HIVEP2: variants seen among roughly 807,000 people sequenced by gnomAD.
HIVEP2 encodes transcription factor HIVEP2.
Under a neutral mutation model 180.7 loss-of-function variants are expected in HIVEP2, and 14 were observed. That is an observed-to-expected ratio of 0.08 (90% CI 0.05 to 0.12). HIVEP2 has a LOEUF of 0.12. Ranked by LOEUF, HIVEP2 falls within the 10% of genes least tolerant of loss-of-function variation. The pLI is 1.00. For missense variants in HIVEP2, 2,579 were observed against 3,008.5 expected (o/e 0.86, Z 3.34); for synonymous variants, 1,184 against 1,136.4 (o/e 1.04, Z -0.84).
chr6:142,890,072 G>A (rs1007084046), intron 1 of HIVEP2, among the ~76,000 whole-genome samples: 1 of 152,146 alleles, frequency 6.6e-6, no homozygotes, highest in African/African-American at 2.4e-5. Context: ...GGATTCAAGT[G>A]CCAGTGTTAA....
At chr6:142,793,675 C>CTTTTTTTTT (rs60365543) in intron 2 of HIVEP2, among the ~76,000 whole-genome samples, 16 of 122,824 alleles carry the variant, frequency 1.3e-4, no homozygotes, top group East Asian at 9.4e-4. Flanking sequence ...TTCTTTCTTT[C>CTTTTTTTTT]TCTCTCTCTC....
intron 1 of HIVEP2, among the ~76,000 whole-genome samples, chr6:142,937,156 T>G (rs1368253455): frequency 6.6e-6 from 1 of 152,216 alleles, no homozygotes. Flanking sequence ...TAGCACTGGC[T>G]GAGCTCAGTG....
At chr6:142,764,446 G>C (rs558373587) in intron 7 of HIVEP2, among the ~76,000 whole-genome samples, 135 of 152,324 alleles carry the variant, frequency 8.9e-4, no homozygotes, top group Non-Finnish European at 1.6e-3. Flanking sequence ...CTGCTGCCTT[G>C]CTTCTCTAAT....
chr6:142,774,400 G>C lies in HIVEP2; in HGVS notation c.339C>G (p.Thr113=). 6.2e-7 allele frequency: 1 copy of C among 1,614,168 alleles called. No homozygotes were observed. Among genetic ancestry groups the C allele is most frequent in the Non-Finnish European group, 8.5e-7 (1 of 1,180,044 alleles). ...GACCTTCGAGGCTCTGATGTGGCTT[G>C]GTGCTGTGCATGACCCCCTGTGGCA... ...HSLPQGVMHS[T]KPHQSLEGPP... is the part of the protein sequence containing the mutation. Residue 113 remains threonine (T), a synonymous_variant, in exon 5 of 10, where the codon ACC becomes ACG. Transcript: ENST00000367603. This position sits in a 1 kb window ranked among gnomAD's most constrained non-coding sequence, Gnocchi z 5.1.
intron 1 of HIVEP2, among the ~76,000 whole-genome samples, chr6:142,857,870 G>GC (rs1226341929): frequency 6.6e-6 from 1 of 152,200 alleles, no homozygotes; most frequent in African/African-American, 2.4e-5. Flanking sequence ...CCACGGGGCT[G>GC]CGGGCTGCTG....
chr6:142,904,469 G>A (rs553840747), intron 1 of HIVEP2, among the ~76,000 whole-genome samples: 31 of 152,210 alleles, frequency 2.0e-4, no homozygotes, highest in African/African-American at 7.5e-4. Flanking sequence ...GCAAAATTAA[G>A]CCTATGAGAA....
At chr6:142,758,860 T>G (rs1290585743) in intron 9 of HIVEP2, among the ~76,000 whole-genome samples, 1 of 152,142 alleles carries the variant, frequency 6.6e-6, no homozygotes, top group African/African-American at 2.4e-5. Flanking sequence ...ACTGAGCAAG[T>G]GCACTTGATA....
intron 2 of HIVEP2, among the ~76,000 whole-genome samples, chr6:142,789,732 C>A (rs994677922): frequency 1.1e-4 from 17 of 152,010 alleles, no homozygotes; most frequent in African/African-American, 4.1e-4. Flanking sequence ...ATTTATCTAA[C>A]CCTATTTCAG....
intron 1 of HIVEP2, among the ~76,000 whole-genome samples, chr6:142,844,436 T>C (rs936262875): frequency 2.0e-5 from 3 of 152,200 alleles, no homozygotes; most frequent in African/African-American, 7.2e-5. Context: ...CATCTTTTCA[T>C]CTTGGGAACT....
chr6:142,804,291 T>C (rs543725114), intron 2 of HIVEP2, among the ~76,000 whole-genome samples: 1 of 152,232 alleles, frequency 6.6e-6, no homozygotes, highest in Admixed American at 6.5e-5. Context: ...CTAAAGTAGA[T>C]TGATTGAGTG....
intron 2 of HIVEP2, among the ~76,000 whole-genome samples, chr6:142,791,868 CAT>C (rs1387234912): frequency 6.6e-6 from 1 of 152,106 alleles, no homozygotes; most frequent in African/African-American, 2.4e-5. Context: ...GTAAGGAAAA[CAT>C]ATGAACAACG....
intron 2 of HIVEP2, among the ~76,000 whole-genome samples, chr6:142,799,625 C>A (rs1274931598): frequency 1.3e-5 from 2 of 152,148 alleles, no homozygotes; most frequent in Non-Finnish European, 2.9e-5. Context: ...TTTGAAAAAT[C>A]AACACCTGCT....
At chr6:142,862,809 CAT>C (rs1235051836) in intron 1 of HIVEP2, among the ~76,000 whole-genome samples, 4 of 128,708 alleles carry the variant, frequency 3.1e-5, no homozygotes, top group Non-Finnish European at 6.3e-5. Flanking sequence ...ATTTAGATAT[CAT>C]ATATATTTTT....
At chr6:142,860,033 CT>C (rs1470848499) in intron 1 of HIVEP2, among the ~76,000 whole-genome samples, 1 of 151,734 alleles carries the variant, frequency 6.6e-6, no homozygotes, top group Non-Finnish European at 1.5e-5. Flanking sequence ...AGTGTTAAAT[CT>C]TTTTTTCTCC....
chr6:142,784,961 C>A (rs1450168290), intron 2 of HIVEP2, among the ~76,000 whole-genome samples: 3 of 152,064 alleles, frequency 2.0e-5, no homozygotes, highest in African/African-American at 7.2e-5. Context: ...GATCTCGGCT[C>A]ACTGCAAGCT....
intron 2 of HIVEP2, among the ~76,000 whole-genome samples, chr6:142,800,730 A>C (rs540189499): frequency 1.3e-5 from 2 of 152,266 alleles, no homozygotes; most frequent in East Asian, 3.9e-4. Flanking sequence ...AATGCATAGA[A>C]GATATTTAGA....
chr6:142,839,121 G>A (rs1393569418), intron 1 of HIVEP2, among the ~76,000 whole-genome samples: 1 of 152,096 alleles, frequency 6.6e-6, no homozygotes, highest in Non-Finnish European at 1.5e-5. Flanking sequence ...GATTAGCCCA[G>A]AAGAAGCAGA....
intron 2 of HIVEP2, among the ~76,000 whole-genome samples, chr6:142,813,575 T>G (rs937355788): frequency 6.5e-4 from 95 of 145,884 alleles, no homozygotes; most frequent in Non-Finnish European, 1.3e-3. Flanking sequence ...AGTTCAGAGT[T>G]TTTTTTTTTT....
intron 1 of HIVEP2, among the ~76,000 whole-genome samples, chr6:142,913,867 A>G (rs955178649): frequency 2.6e-5 from 4 of 152,222 alleles, no homozygotes; most frequent in Admixed American, 6.5e-5. Context: ...GTAGTAAATT[A>G]AAGACTGGCC....
Sources: allele counts gnomAD v4.1 joint callset (sites outside exome capture counted in the v4.1 genomes callset), GRCh38; gene constraint gnomAD v4.1.1; non-coding constraint Gnocchi (gnomAD v3.1); transcripts MANE v1.5; gene names NCBI Gene and HGNC (gene_info 2026-07-23, HGNC 2026-07-21).